Variants in C1QTNF3 observed in about 807,000 individuals in gnomAD.
C1QTNF3 encodes C1q and TNF related 3, also known as complement C1q tumor necrosis factor-related protein 3.
A neutral mutation model predicts 32.6 loss-of-function variants in C1QTNF3; 26 were observed. That is an observed-to-expected ratio of 0.80 (90% CI 0.58 to 1.11). C1QTNF3 has a LOEUF of 1.11. C1QTNF3 is among the 50% of genes least tolerant of loss of function. C1QTNF3 has a pLI of 0.00. For synonymous variants in C1QTNF3, 155 were observed against 146.0 expected, an observed-to-expected ratio of 1.06 and a Z score of -0.44; for missense variants, 362 against 398.2, an observed-to-expected ratio of 0.91 and a Z score of 0.77.
At chr5:34,042,174 T>C (rs1430726513) in intron 1 of C1QTNF3, among the ~76,000 whole-genome samples, 2 of 152,050 alleles carry the variant, frequency 1.3e-5, no homozygotes, top group East Asian at 1.9e-4. Context: ...ACCTGAGAAA[T>C]AGATCAAGTC....
chr5:34,036,000 G>A (rs879475809), intron 1 of C1QTNF3, among the ~76,000 whole-genome samples: 4 of 151,632 alleles, frequency 2.6e-5, no homozygotes, highest in East Asian at 1.9e-4. Context: ...TTTGAAAAGC[G>A]TGTGGGTGGG....
At chr5:34,226,798 T>C in the C1QTNF3 span, among the ~76,000 whole-genome samples, 1 of 151,534 alleles carries the variant, frequency 6.6e-6, no homozygotes, top group African/African-American at 2.4e-5. Flanking sequence ...ACAATGAAGC[T>C]AGTTACAGAA....
the C1QTNF3 span, among the ~76,000 whole-genome samples, chr5:34,085,185 C>T: frequency 6.7e-6 from 1 of 148,970 alleles, no homozygotes; most frequent in Admixed American, 6.6e-5. Flanking sequence ...TTTGTAGAGA[C>T]CGGGTTTCAC....
At chr5:34,046,579 T>A (rs1754989406), upstream of C1QTNF3, among the ~76,000 whole-genome samples, 1 of 152,188 alleles carries the variant, frequency 6.6e-6, no homozygotes, top group South Asian at 2.1e-4. Flanking sequence ...AACAGATGAT[T>A]CTCTCACAAC....
At chr5:34,052,128 A>C in the C1QTNF3 span, among the ~76,000 whole-genome samples, 1 of 152,126 alleles carries the variant, frequency 6.6e-6, no homozygotes, top group African/African-American at 2.4e-5. Flanking sequence ...ACAGAGCAAG[A>C]CCGCGTCTTA....
intron 3 of C1QTNF3, among the ~76,000 whole-genome samples, chr5:34,030,869 G>A (rs138110045): frequency 6.6e-6 from 1 of 152,108 alleles, no homozygotes; most frequent in African/African-American, 2.4e-5. Context: ...ATGTATATGT[G>A]GGAGCTAAAT....
chr5:34,079,843 T>G, the C1QTNF3 span, among the ~76,000 whole-genome samples: 1 of 151,754 alleles, frequency 6.6e-6, no homozygotes, highest in Non-Finnish European at 1.5e-5. Context: ...AGTCCTAGAG[T>G]TCTACTGTTT....
the C1QTNF3 span, among the ~76,000 whole-genome samples, chr5:34,172,680 C>T: frequency 6.6e-6 from 1 of 152,156 alleles, no homozygotes; most frequent in South Asian, 2.1e-4. Flanking sequence ...AATTCTTTAA[C>T]GTGTTAACCA....
the C1QTNF3 span, among the ~76,000 whole-genome samples, chr5:34,160,046 T>A: frequency 6.6e-6 from 1 of 152,178 alleles, no homozygotes; most frequent in Non-Finnish European, 1.5e-5. Context: ...AGAAAAAATA[T>A]ACAAATGCAG....
the C1QTNF3 span, chr5:34,175,378 T>C: frequency 7.2e-4 from 118 of 163,272 alleles, 1 homozygote; most frequent in East Asian, 0.019. Flanking sequence ...TCAAGAAGCG[T>C]TGAAACTCAC....
chr5:34,049,003 G>A, the C1QTNF3 span, among the ~76,000 whole-genome samples: 51 of 152,112 alleles, frequency 3.4e-4, no homozygotes, highest in African/African-American at 1.2e-3. Flanking sequence ...TTTCCTAATC[G>A]TTTCTTTCTT....
At chr5:34,236,397 A>T in the C1QTNF3 span, among the ~76,000 whole-genome samples, 1 of 151,898 alleles carries the variant, frequency 6.6e-6, no homozygotes, top group East Asian at 1.9e-4. Flanking sequence ...TCTCAAAAAA[A>T]AAAGAAGAAG....
chr5:34,210,009 T>A, the C1QTNF3 span, among the ~76,000 whole-genome samples: 2 of 152,070 alleles, frequency 1.3e-5, no homozygotes, highest in African/African-American at 4.8e-5. Flanking sequence ...TAATATTAGA[T>A]GAAAAGTTTA....
the C1QTNF3 span, among the ~76,000 whole-genome samples, chr5:34,178,019 C>A: frequency 6.7e-6 from 1 of 149,448 alleles, no homozygotes; most frequent in Non-Finnish European, 1.5e-5. Context: ...GTAATTCCAG[C>A]ACTTTGGGAG....
At chr5:34,160,842 G>T in the C1QTNF3 span, among the ~76,000 whole-genome samples, 2 of 149,590 alleles carry the variant, frequency 1.3e-5, no homozygotes, top group African/African-American at 4.9e-5. Context: ...AAGAGAGAGA[G>T]AAAGAATGCT....
the C1QTNF3 span, among the ~76,000 whole-genome samples, chr5:34,088,934 C>T: frequency 6.6e-6 from 1 of 151,734 alleles, no homozygotes; most frequent in Non-Finnish European, 1.5e-5. Context: ...GTTTTTATGC[C>T]TGTATTTTTT....
the C1QTNF3 span, chr5:34,176,008 T>G: frequency 5.7e-6 from 4 of 700,704 alleles, no homozygotes; most frequent in Non-Finnish European, 1.0e-5. Flanking sequence ...TTGTAAATGT[T>G]AGATAAAAAT....
At chr5:34,173,883 T>C in the C1QTNF3 span, among the ~76,000 whole-genome samples, 1 of 151,758 alleles carries the variant, frequency 6.6e-6, no homozygotes, top group Non-Finnish European at 1.5e-5. Context: ...TAGTAAGAAT[T>C]AATTTCTAGA....
the C1QTNF3 span, among the ~76,000 whole-genome samples, chr5:34,095,102 G>A: frequency 6.6e-6 from 1 of 151,938 alleles, no homozygotes; most frequent in Non-Finnish European, 1.5e-5. Context: ...GGTGACTATA[G>A]TTAACAAATT....
Sources: gnomAD v4.1 joint callset for allele counts (sites outside exome capture counted in the v4.1 genomes callset) on GRCh38, gnomAD v4.1.1 for gene constraint, MANE v1.5 for transcripts, NCBI Gene and HGNC (gene_info 2026-07-23, HGNC 2026-07-21) for gene names.